Variants in TET2 observed in about 807,000 individuals in gnomAD.
The protein encoded by TET2 is tet methylcytosine dioxygenase 2.
TET2 carries 299 observed loss-of-function variants against 142.9 expected under a neutral mutation model. That is an observed-to-expected ratio of 2.09 (90% CI 1.90 to 2.30). The LOEUF (loss-of-function observed/expected upper bound fraction) is 2.30. Among genes scored for constraint, TET2 ranks in the 30% most tolerant of loss-of-function variants. TET2 has a pLI of 0.00. For missense variants in TET2, 2,418 were observed against 2,378.0 expected (o/e 1.02, Z -0.35); for synonymous variants, 819 against 849.0 (o/e 0.96, Z 0.61).
chr4:105,151,482 A>T (rs947813243), intron 1 of TET2, among the ~76,000 whole-genome samples: 1 of 150,130 alleles, frequency 6.7e-6, no homozygotes, highest in African/African-American at 2.4e-5. Context: ...TTAGATATAG[A>T]TAATATATAT....
chr4:105,234,982 CGT>C lies in TET2; in HGVS notation c.1041_1042del (p.Ser348TrpfsTer2). 6.2e-7 allele frequency: 1 copy of C among 1,613,900 alleles called. No homozygotes were observed. Among genetic ancestry groups the C allele is most frequent in the East Asian group, 2.2e-5 (1 of 44,854 alleles). ...AACATCCAGGGAACCACAAAGCTAGCGTCTGGTGAAGAATTCTGTTCAGGTTC... is the reference window on the plus strand; with the variant it reads ...AACATCCAGGGAACCACAAAGCTAGCCTGGTGAAGAATTCTGTTCAGGTTC... On this transcript the variant is annotated frameshift_variant, in exon 3 of 11. Transcript: ENST00000380013. LOFTEE classifies it high-confidence loss of function.
In TET2 at chr4:105,247,714, C is replaced by CTTTTTTTT. The variant is rs1206510081; in HGVS notation, c.3803+3954_3803+3961dup. 3.7e-4 allele frequency among the ~76,000 whole-genome samples: 24 copies of CTTTTTTTT among 65,320 alleles called. 1 individual carries two copies. The highest frequency in any genetic ancestry group is 8.0e-4 in the African/African-American group (13 of 16,150). 42.9% of individuals were successfully genotyped at this position (65,320 alleles called of 152,430 possible). On this transcript the variant is annotated intron_variant, in intron 6 of 10. Transcript: ENST00000380013. ...TAGTTTGACTGGTTCTTTTTCTTTTCTTTTTTTTTTTTTTTTTTTTTTTTT... is the reference window on the plus strand; with the variant it reads ...TAGTTTGACTGGTTCTTTTTCTTTTCTTTTTTTTTTTTTTTTTTTTTTTTTTTTTTTTT...
intron 6 of TET2, among the ~76,000 whole-genome samples, chr4:105,256,965 T>A (rs1479648555): frequency 2.0e-5 from 3 of 152,222 alleles, no homozygotes; most frequent in Non-Finnish European, 4.4e-5. Flanking sequence ...TGCTGTAGTC[T>A]TACTTTAGTT....
chr4:105,147,395 G>C (rs1258648248), intron 1 of TET2: 1 of 152,234 alleles, frequency 6.6e-6, no homozygotes, highest in African/African-American at 2.4e-5. Context: ...AGTGAAACGA[G>C]TCTCCCGTTT....
chr4:105,263,434 T>C (rs1730541404), intron 8 of TET2, among the ~76,000 whole-genome samples: 1 of 152,244 alleles, frequency 6.6e-6, no homozygotes, highest in South Asian at 2.1e-4. Context: ...ATTAAGTATG[T>C]ACACTAACTA....
Position 105,278,403 on chromosome 4 carries a change from G to A in TET2, c.*1884G>A, listed in dbSNP as rs1280889153. ...TTTTTTCCAAGTCCTTTTTTTTATTGTTAAAAAAAAAAGCATACCTTTTTT... is the reference window on the plus strand; with the variant it reads ...TTTTTTCCAAGTCCTTTTTTTTATTATTAAAAAAAAAAGCATACCTTTTTT... On this transcript the variant is annotated 3_prime_UTR_variant, in exon 11 of 11. Transcript: ENST00000380013. The A allele has an allele frequency of 4.8e-6, 1 of 207,462 alleles. No individual in the cohort carries two copies. Among genetic ancestry groups the A allele is most frequent in the Non-Finnish European group, 9.5e-6 (1 of 104,914 alleles). The allele number at this position is 207,462 out of a possible 1,614,324, so 12.9% of individuals were successfully genotyped here. A position where few individuals can be genotyped will look rare whatever the true frequency, so the allele number is the denominator to read the frequency against.
intron 6 of TET2, 79 bp from the exon 7 acceptor site, chr4:105,259,540 A>T (rs1382899030): frequency 1.5e-6 from 2 of 1,371,858 alleles, no homozygotes; most frequent in African/African-American, 1.5e-5. Context: ...CTCATTTTGC[A>T]TATAGACACC....
rs1730175500 is a variant in TET2, at chr4:105,257,105, TTGTTTC to T, written c.3804-2506_3804-2501del. On this transcript the variant is annotated intron_variant, in intron 6 of 10. Transcript: ENST00000380013. Reference sequence around the variant, plus strand: ...TTGACTACTTTATAGGGGCCATACTTTGTTTCTGTTTCTCTTAATTGTTTAGACATT... The same window carrying T: ...TTGACTACTTTATAGGGGCCATACTTTGTTTCTCTTAATTGTTTAGACATT... Among the ~76,000 whole-genome samples, 4 of 152,216 alleles carry T rather than the reference TTGTTTC, an allele frequency of 2.6e-5. No homozygotes were observed. In the South Asian group the frequency reaches 8.3e-4, roughly 32 times the overall value.
intron 3 of TET2, chr4:105,239,910 T>C (rs1217814778): frequency 8.3e-6 from 2 of 241,378 alleles, no homozygotes; most frequent in East Asian, 6.3e-5. Context: ...GGGTTATTAA[T>C]TGGCCTAATT....
At chr4:105,193,643 G>A (rs2110489752) in intron 2 of TET2, among the ~76,000 whole-genome samples, 1 of 152,230 alleles carries the variant, frequency 6.6e-6, no homozygotes, top group African/African-American at 2.4e-5. Flanking sequence ...TTTGCTGACT[G>A]CACGTAAGAG....
rs569545505 is a variant in TET2 at position 105,204,139 on chromosome 4, A to G, written c.-47+13634A>G. On this transcript the variant is annotated intron_variant, in intron 2 of 10. Coordinates refer to ENST00000380013, the MANE Select transcript of TET2 (RefSeq NM_001127208.3). ...TCTTGAACCCGGGAGGCGAGGTTGC[A>G]GTGAGTTGAGTTCGCGTCACTGCAT... Among the ~76,000 whole-genome samples the G allele has an allele frequency of 4.0e-3, 611 of 151,196 alleles. 2 individuals are homozygous for G. The highest frequency in any genetic ancestry group is 7.3e-3 in the Non-Finnish European group (493 of 67,766).
intron 1 of TET2, among the ~76,000 whole-genome samples, chr4:105,169,482 C>T (rs1724335567): frequency 6.6e-6 from 1 of 152,044 alleles, no homozygotes; most frequent in Non-Finnish European, 1.5e-5. Context: ...GATATTAGTC[C>T]TTTGCCGGAT....
chr4:105,204,494 G>T (rs879382542), intron 2 of TET2, among the ~76,000 whole-genome samples: 1 of 152,048 alleles, frequency 6.6e-6, no homozygotes, highest in Non-Finnish European at 1.5e-5. Flanking sequence ...TACCAATGGA[G>T]AAAACTGTTA....
chr4:105,275,456 A>C lies in TET2; in HGVS notation c.4946A>C (p.Tyr1649Ser), dbSNP rs780131139. Residue 1649 changes from tyrosine to serine, a missense_variant, in exon 11 of 11, where the codon TAT becomes TCT. Physicochemically the swap from Tyr to Ser is moderately radical, Grantham distance 144 (BLOSUM62 -2). Transcript: ENST00000380013. ...AACTGCTCCCCATATCTGGGTTCCT[A>C]TTCTCCCCAGTCTCAGCCGATGGAT... Reference protein sequence around the residue: ...VDNCSPYLGSYSPQSQPMDLY... With the variant: ...VDNCSPYLGSSSPQSQPMDLY... The C allele has an allele frequency of 6.4e-6, 10 of 1,551,626 alleles. No individual in the cohort carries two copies. The East Asian group carries it at 2.0e-4, about 30-fold the overall frequency.
chr4:105,215,410 T>A (rs1233425161), intron 2 of TET2, among the ~76,000 whole-genome samples: 2 of 152,166 alleles, frequency 1.3e-5, no homozygotes, highest in Non-Finnish European at 2.9e-5. Context: ...CTTTTTAAAC[T>A]TTGTGACATT....
chr4:105,197,258 C>T (rs1726148638), intron 2 of TET2, among the ~76,000 whole-genome samples: 1 of 152,072 alleles, frequency 6.6e-6, no homozygotes, highest in Non-Finnish European at 1.5e-5. Context: ...AAATGTTTCA[C>T]TGTAGAAAGA....
intron 6 of TET2, among the ~76,000 whole-genome samples, chr4:105,244,079 G>A (rs950656460): frequency 6.6e-6 from 1 of 152,176 alleles, no homozygotes; most frequent in South Asian, 2.1e-4. Context: ...TACAAGTGAC[G>A]GCTCCTGTGT....
chr4:105,259,517 ACTT>A, intron 6 of TET2, 99 bp from the exon 7 acceptor site: 1 of 1,145,522 alleles, frequency 8.7e-7, no homozygotes, highest in Non-Finnish European at 1.2e-6. Flanking sequence ...GTTAGATTAG[ACTT>A]CTTTTCAAAC....
intron 1 of TET2, among the ~76,000 whole-genome samples, chr4:105,150,186 C>G (rs917480222): frequency 1.3e-5 from 2 of 152,112 alleles, no homozygotes; most frequent in Non-Finnish European, 2.9e-5. Flanking sequence ...CTTATGAATT[C>G]TTATGAAATT....
Sources: gnomAD v4.1 joint callset for allele counts (sites outside exome capture counted in the v4.1 genomes callset) on GRCh38, gnomAD v4.1.1 for gene constraint, MANE v1.5 for transcripts, NCBI Gene and HGNC (gene_info 2026-07-23, HGNC 2026-07-21) for gene names.